RAB9B: variants seen among roughly 807,000 people sequenced by gnomAD.
RAB9B encodes the protein RAB9B, member RAS oncogene family.
A neutral mutation model predicts 8.9 loss-of-function variants in RAB9B; 1 was observed. The observed-to-expected ratio is 0.11, with a 90% CI of 0.04 to 0.53. The LOEUF (loss-of-function observed/expected upper bound fraction) is 0.53. Ranked by LOEUF, RAB9B falls within the 20% of genes least tolerant of loss-of-function variation. RAB9B has a pLI of 0.93. For missense variants in RAB9B, 82 were observed against 152.9 expected, an observed-to-expected ratio of 0.54 and a Z score of 2.45; for synonymous variants, 63 against 57.0, an observed-to-expected ratio of 1.10 and a Z score of -0.47.
At chrX:103,791,014 A>C in the RAB9B span, 1 of 192,633 alleles carries the variant, frequency 5.2e-6, no homozygotes, top group East Asian at 1.3e-4. Flanking sequence ...TCCTCTTGCC[A>C]TCTATAGGGG....
chrX:103,808,121 T>A, the RAB9B span, among the ~76,000 whole-genome samples: 2 of 111,592 alleles, frequency 1.8e-5, no homozygotes, highest in Non-Finnish European at 3.8e-5. Flanking sequence ...TCTCTTTGAG[T>A]CTTTGTTTGC....
the RAB9B span, among the ~76,000 whole-genome samples, chrX:103,805,458 G>A: frequency 4.5e-5 from 5 of 110,902 alleles, no homozygotes; most frequent in South Asian, 1.5e-3. Flanking sequence ...TTCTTTTCTC[G>A]TTTTCTCTTT....
At chrX:103,814,812 T>A in the RAB9B span, among the ~76,000 whole-genome samples, 1 of 112,014 alleles carries the variant, frequency 8.9e-6, no homozygotes, top group Non-Finnish European at 1.9e-5. Flanking sequence ...ATAACACCTC[T>A]ATGCAAATTA....
chrX:103,802,840 C>T, the RAB9B span, among the ~76,000 whole-genome samples: 1 of 110,539 alleles, frequency 9.0e-6, no homozygotes, highest in East Asian at 2.8e-4. Context: ...CCTCACACCC[C>T]CAACACTAGG....
chrX:103,778,445 G>C, the RAB9B span, among the ~76,000 whole-genome samples: 2 of 111,893 alleles, frequency 1.8e-5, no homozygotes, highest in Non-Finnish European at 3.8e-5. Context: ...CCTGCCCTGG[G>C]TAACATCAGG....
the RAB9B span, chrX:103,789,002 G>A: frequency 5.9e-6 from 2 of 341,166 alleles, no homozygotes; most frequent in Non-Finnish European, 1.0e-5. Context: ...AGTAAATCCG[G>A]GGGAGACAGG....
At chrX:103,784,856 C>A in the RAB9B span, among the ~76,000 whole-genome samples, 1 of 111,983 alleles carries the variant, frequency 8.9e-6, no homozygotes, top group Non-Finnish European at 1.9e-5. Context: ...CTCTTCATAT[C>A]CCGTATAACA....
chrX:103,790,787 C>A, the RAB9B span: 1 of 457,480 alleles, frequency 2.2e-6, no homozygotes, highest in South Asian at 3.3e-5. Flanking sequence ...TTATGTACCT[C>A]TTTTAGTCAT....
downstream of RAB9B, among the ~76,000 whole-genome samples, chrX:103,818,761 C>A (rs977415228): frequency 9.0e-6 from 1 of 111,367 alleles, no homozygotes; most frequent in Non-Finnish European, 1.9e-5. Context: ...ATATTAAAAT[C>A]TACACTAAAA....
chrX:103,803,085 T>A, the RAB9B span, among the ~76,000 whole-genome samples: 15 of 112,288 alleles, frequency 1.3e-4, no homozygotes, highest in African/African-American at 3.9e-4. Flanking sequence ...ACACATTTTG[T>A]TTATCTATTC....
the RAB9B span, among the ~76,000 whole-genome samples, chrX:103,796,846 A>C: frequency 1.2e-5 from 1 of 80,568 alleles, no homozygotes; most frequent in Non-Finnish European, 2.3e-5. Context: ...CACCGCCTCT[A>C]CAAAAAAAAA....
At chrX:103,777,330 G>A in the RAB9B span, among the ~76,000 whole-genome samples, 26 of 111,310 alleles carry the variant, frequency 2.3e-4, no homozygotes, top group Non-Finnish European at 4.1e-4. Context: ...CCCTGGCAAC[G>A]GTTGGGTCAG....
chrX:103,778,440 C>G, the RAB9B span, among the ~76,000 whole-genome samples: 3 of 111,584 alleles, frequency 2.7e-5, no homozygotes, highest in Admixed American at 2.8e-4. Flanking sequence ...CAATTCCTGC[C>G]CTGGGTAACA....
At chrX:103,819,720 C>A (rs2074652511), downstream of RAB9B, among the ~76,000 whole-genome samples, 1 of 112,095 alleles carries the variant, frequency 8.9e-6, no homozygotes, top group Admixed American at 9.5e-5. Context: ...TAGCTTTTGT[C>A]ATTATCCCTT....
intron 2 of RAB9B, among the ~76,000 whole-genome samples, chrX:103,826,161 C>T (rs1490348642): frequency 1.8e-5 from 2 of 111,847 alleles, no homozygotes; most frequent in African/African-American, 6.5e-5. Context: ...ACAACTTTAG[C>T]TTCCGGTTTG....
the RAB9B span, chrX:103,776,558 G>A: frequency 1.4e-5 from 2 of 146,005 alleles, no homozygotes; most frequent in Non-Finnish European, 2.7e-5. Flanking sequence ...TTAGACCCAA[G>A]GATCAGTTGG....
At position 103,824,867 on chromosome X, in the gene RAB9B, C is replaced by T. The variant is rs1569435259; in HGVS notation, c.*312G>A. On this transcript the variant is annotated 3_prime_UTR_variant, in exon 3 of 3. Coordinates refer to ENST00000243298, the MANE Select transcript of RAB9B (RefSeq NM_016370.4). ...TTTAACTCCTTCATGCAGCTGGGTTCTAGGTTTAAACTGTGATTTAAAAAA... is the reference window on the plus strand; with the variant it reads ...TTTAACTCCTTCATGCAGCTGGGTTTTAGGTTTAAACTGTGATTTAAAAAA... The T allele has an allele frequency of 1.4e-5, 2 of 147,347 alleles. No individual in the cohort carries two copies. Among genetic ancestry groups the T allele is most frequent in the East Asian group, 3.2e-4 (2 of 6,164 alleles). 12.1% of individuals were successfully genotyped at this position (147,347 alleles called of 1,213,427 possible).
chrX:103,792,591 A>G, the RAB9B span: 2 of 112,658 alleles, frequency 1.8e-5, no homozygotes, highest in African/African-American at 6.5e-5. Flanking sequence ...AAATTAAAGA[A>G]AATAAAATTA....
chrX:103,790,667 C>T, the RAB9B span: 3 of 794,883 alleles, frequency 3.8e-6, no homozygotes, highest in African/African-American at 6.1e-5. Context: ...GCTGCGTCTC[C>T]CATCTTAACT....
Sources: gnomAD v4.1 joint callset for allele counts (sites outside exome capture counted in the v4.1 genomes callset) on GRCh38, gnomAD v4.1.1 for gene constraint, MANE v1.5 for transcripts, NCBI Gene and HGNC (gene_info 2026-07-23, HGNC 2026-07-21) for gene names.